The following ASB3 variants were observed in gnomAD, a reference collection of about 807,000 sequenced individuals.
ASB3 encodes the protein ankyrin repeat and SOCS box containing 3, also known as ankyrin repeat and SOCS box protein 3.
ASB3 carries 41 observed loss-of-function variants against 54.5 expected under a neutral mutation model. The ratio of observed to expected loss-of-function variants is 0.75; its 90% CI spans 0.59 to 0.98. The LOEUF is 0.98. ASB3 is among the 50% of genes least tolerant of loss of function. The pLI is 0.00. For missense variants in ASB3, 733 were observed against 620.0 expected, an observed-to-expected ratio of 1.18 and a Z score of -1.94; for synonymous variants, 266 against 221.2, an observed-to-expected ratio of 1.20 and a Z score of -1.80.
intron 4 of ASB3, 24 bp downstream of exon 4, chr2:53,729,434 T>C: frequency 6.2e-7 from 1 of 1,610,084 alleles, no homozygotes. Flanking sequence ...TACATGGAAA[T>C]GAAATAATAA....
rs1338627586 is a variant in ASB3, at chr2:53,700,598, G to A, written c.981-70C>T. On this transcript the variant is annotated intron_variant, in intron 7 of 9. Coordinates refer to ENST00000263634, the MANE Select transcript of ASB3 (RefSeq NM_016115.5). ...TGACATAAGATACTTCTTACAAACA[G>A]TTAATAGTAGTTACAGCTGGGGAAT... The A allele has an allele frequency of 2.6e-6, 4 of 1,516,086 alleles. No individual in the cohort carries two copies. The African/African-American group carries it at 4.2e-5, about 16-fold the overall frequency. 93.9% of individuals were successfully genotyped at this position (1,516,086 alleles called of 1,614,324 possible). A position where few individuals can be genotyped will look rare whatever the true frequency, so the allele number is the denominator to read the frequency against.
At chr2:53,766,761 A>T (rs973508024) in intron 1 of ASB3, among the ~76,000 whole-genome samples, 7 of 152,202 alleles carry the variant, frequency 4.6e-5, no homozygotes, top group Admixed American at 1.3e-4. Context: ...TTGAAACCAC[A>T]ACTTAGAGAA....
chr2:53,677,487 G>GT (rs140081946), intron 9 of ASB3, among the ~76,000 whole-genome samples: 59 of 151,772 alleles, frequency 3.9e-4, no homozygotes, highest in South Asian at 3.1e-3. Flanking sequence ...CTATCTGCAG[G>GT]TTTTTTTTAA....
intron 3 of ASB3, among the ~76,000 whole-genome samples, chr2:53,732,264 C>T (rs992514964): frequency 6.6e-6 from 1 of 151,756 alleles, no homozygotes; most frequent in Non-Finnish European, 1.5e-5. Flanking sequence ...CCTGGCCCCA[C>T]AACAGCTTTA....
rs115374867 is a variant in ASB3 at position 53,771,789 on chromosome 2, T to C, written c.-13-6204A>G. The C allele has an allele frequency of 2.8e-3, 1,993 of 708,876 alleles. 36 individuals carry two copies. The African/African-American group carries it at 0.033, about 12-fold the overall frequency. The allele number at this position is 708,876 out of a possible 1,614,324, so 43.9% of individuals were successfully genotyped here. A position where few individuals can be genotyped will look rare whatever the true frequency, so the allele number is the denominator to read the frequency against. On this transcript the variant is annotated intron_variant, in intron 1 of 9. Transcript: ENST00000263634. ...ATAAAAAATAACTATGCTTAAGAAA[T>C]AGTGCTTCTTATGAGCAAATATAAT...
chr2:53,729,429 G>A (rs1671180568), intron 4 of ASB3, 29 bp downstream of exon 4: 2 of 1,606,726 alleles, frequency 1.2e-6, no homozygotes, highest in Admixed American at 1.7e-5. Context: ...CAATTTACAT[G>A]GAAATGAAAT....
chr2:53,707,959 CT>C (rs1334376407), intron 7 of ASB3, among the ~76,000 whole-genome samples: 5 of 91,266 alleles, frequency 5.5e-5, no homozygotes, highest in African/African-American at 4.9e-5. Context: ...CAGACTCTGT[CT>C]CAAAAAAAAA....
At chr2:53,750,504 C>T (rs182837388) in intron 3 of ASB3, among the ~76,000 whole-genome samples, 26 of 152,222 alleles carry the variant, frequency 1.7e-4, no homozygotes, top group African/African-American at 6.3e-4. Flanking sequence ...GATACCTGGT[C>T]TTCAGAACTA....
chr2:53,774,552 T>C (rs756144860), intron 1 of ASB3: 1 of 1,463,920 alleles, frequency 6.8e-7, no homozygotes, highest in East Asian at 2.3e-5. Flanking sequence ...TTAACTTCAG[T>C]GCACAATGAC....
At chr2:53,755,795 A>G (rs1169472411) in intron 2 of ASB3, among the ~76,000 whole-genome samples, 1 of 152,228 alleles carries the variant, frequency 6.6e-6, no homozygotes, top group African/African-American at 2.4e-5. Context: ...AAGTGACGAG[A>G]AAATACCCGA....
rs1489036227 is a variant in ASB3, at chr2:53,765,299, TAA to T, written c.196+76_196+77del. ...AAAGGGAAACAAATACTACTGTTAA[TAA>T]GTTATGTATTATACTTTTTTATGTT... On this transcript the variant is annotated intron_variant, in intron 2 of 9. Coordinates refer to ENST00000263634, the MANE Select transcript of ASB3 (RefSeq NM_016115.5). 5 of 1,563,970 alleles carry T rather than the reference TAA, an allele frequency of 3.2e-6. No individual in the cohort carries two copies. In the African/African-American group the frequency reaches 5.5e-5, roughly 17 times the overall value.
At chr2:53,784,832 G>C (rs979360331) in intron 1 of ASB3, among the ~76,000 whole-genome samples, 1 of 152,104 alleles carries the variant, frequency 6.6e-6, no homozygotes, top group African/African-American at 2.4e-5. Flanking sequence ...GGTTCTAGGG[G>C]ATAGGACTTA....
intron 9 of ASB3, among the ~76,000 whole-genome samples, chr2:53,680,975 A>G (rs1030559211): frequency 6.6e-6 from 1 of 152,156 alleles, no homozygotes; most frequent in Admixed American, 6.5e-5. Context: ...AAGTGAGAAC[A>G]TGCTAAGTTT....
intron 9 of ASB3, among the ~76,000 whole-genome samples, chr2:53,676,211 A>G (rs893024222): frequency 3.9e-5 from 6 of 152,246 alleles, no homozygotes; most frequent in Non-Finnish European, 7.3e-5. Flanking sequence ...AGACTCTAAT[A>G]TATTTTAAAG....
intron 9 of ASB3, among the ~76,000 whole-genome samples, chr2:53,671,569 G>C (rs1466182636): frequency 6.6e-6 from 1 of 152,136 alleles, no homozygotes; most frequent in Non-Finnish European, 1.5e-5. Context: ...AAACCAGCCT[G>C]ACCAACATGG....
At chr2:53,737,153 C>CT in intron 3 of ASB3, among the ~76,000 whole-genome samples, 3 of 152,248 alleles carry the variant, frequency 2.0e-5, no homozygotes, top group Admixed American at 2.0e-4. Flanking sequence ...TATAAGGTAA[C>CT]TTACTCGGGT....
At chr2:53,675,000 A>G (rs965135169) in intron 9 of ASB3, among the ~76,000 whole-genome samples, 1 of 152,216 alleles carries the variant, frequency 6.6e-6, no homozygotes, top group African/African-American at 2.4e-5. Context: ...GCTGGCGCTG[A>G]GGTGCCACTA....
chr2:53,776,800 C>T (rs999343823), intron 1 of ASB3, among the ~76,000 whole-genome samples: 1 of 152,164 alleles, frequency 6.6e-6, no homozygotes, highest in Non-Finnish European at 1.5e-5. Flanking sequence ...GGCTGGGCAA[C>T]AGAGCAAGAC....
chr2:53,769,728 G>C (rs1673760162), intron 1 of ASB3, among the ~76,000 whole-genome samples: 1 of 152,196 alleles, frequency 6.6e-6, no homozygotes, highest in Admixed American at 6.5e-5. Flanking sequence ...CGCCAGTAGA[G>C]TCCCAGCTAC....
Sources: gnomAD v4.1 joint callset for allele counts (sites outside exome capture counted in the v4.1 genomes callset) on GRCh38, gnomAD v4.1.1 for gene constraint, MANE v1.5 for transcripts, NCBI Gene and HGNC (gene_info 2026-07-23, HGNC 2026-07-21) for gene names.